Variants in TNKS observed in about 807,000 individuals in gnomAD.
TNKS encodes the protein tankyrase, also known as poly [ADP-ribose] polymerase tankyrase-1.
TNKS carries 72 observed loss-of-function variants against 135.8 expected under a neutral mutation model. The observed-to-expected ratio is 0.53, with a 90% confidence interval of 0.44 to 0.64. The LOEUF is 0.64. TNKS is among the 30% of genes least tolerant of loss of function. TNKS has a pLI of 0.00. For synonymous variants in TNKS, 849 were observed against 649.3 expected, an observed-to-expected ratio of 1.31 and a Z score of -4.68; for missense variants, 1,769 against 1,674.0, an observed-to-expected ratio of 1.06 and a Z score of -0.99.
chr8:9,754,958 A>C (rs539689917), intron 20 of TNKS, among the ~76,000 whole-genome samples: 6 of 152,254 alleles, frequency 3.9e-5, no homozygotes, highest in African/African-American at 1.2e-4. Flanking sequence ...AAACCATTAT[A>C]CTCTGCTGTT....
At chr8:9,744,064 T>A (rs1298176835) in intron 17 of TNKS, among the ~76,000 whole-genome samples, 1 of 152,204 alleles carries the variant, frequency 6.6e-6, no homozygotes, top group Non-Finnish European at 1.5e-5. Flanking sequence ...TTGAGCCTTT[T>A]TTGTATAAAA....
chr8:9,746,245 G>T (rs1445118802), intron 17 of TNKS, among the ~76,000 whole-genome samples: 1 of 152,136 alleles, frequency 6.6e-6, no homozygotes, highest in Non-Finnish European at 1.5e-5. Flanking sequence ...GTGCTAACCA[G>T]CCTAACATCC....
At position 9,564,759 on chromosome 8, in the gene TNKS, T is replaced by C. The variant is rs570063196; in HGVS notation, c.673+8147T>C. 3.9e-5 allele frequency among the ~76,000 whole-genome samples: 6 copies of C among 152,324 alleles called. No homozygotes were observed. In the South Asian group the frequency reaches 1.2e-3, roughly 32 times the overall value. On this transcript the variant is annotated intron_variant, in intron 1 of 26. Transcript: ENST00000310430. ...GGCACCTAATACCATGCATCATTAA[T>C]AGATACTTATAGTAAGAATTGAATA...
intron 2 of TNKS, among the ~76,000 whole-genome samples, chr8:9,600,402 C>G (rs1430018077): frequency 3.9e-5 from 6 of 152,100 alleles, no homozygotes; most frequent in Admixed American, 1.3e-4. Context: ...CAGCCTCGAC[C>G]TCCTTGACTC....
rs140779769 is a variant in TNKS at position 9,652,081 on chromosome 8, A to G, written c.995-27870A>G. The stretch of plus-strand genomic sequence containing the variant: ...GTATTAAATATAGAAACAAATCTTT[A>G]CTTTCATCATAGCTTTTTATAATTA... On this transcript the variant is annotated intron_variant, in intron 3 of 26. Coordinates refer to ENST00000310430, the MANE Select transcript of TNKS (RefSeq NM_003747.3). Among the ~76,000 whole-genome samples the G allele has an allele frequency of 6.6e-3, 1,002 of 152,304 alleles. 36 individuals carry two copies. The highest frequency in any genetic ancestry group is 2.6e-3 in the Non-Finnish European group (175 of 68,014).
chr8:9,676,686 CTG>C (rs147459978), intron 3 of TNKS, among the ~76,000 whole-genome samples: 111 of 147,878 alleles, frequency 7.5e-4, no homozygotes, highest in Non-Finnish European at 1.1e-3. Context: ...CTCTCTCTCT[CTG>C]TGTGTGTGTG....
chr8:9,609,853 C>G (rs1799379425), intron 2 of TNKS, among the ~76,000 whole-genome samples: 1 of 152,026 alleles, frequency 6.6e-6, no homozygotes, highest in African/African-American at 2.4e-5. Context: ...CTTGAATTTT[C>G]TTTTTTTCTT....
intron 25 of TNKS, among the ~76,000 whole-genome samples, chr8:9,769,062 TAGAGA>T (rs1807638726): frequency 6.6e-6 from 1 of 152,258 alleles, no homozygotes; most frequent in African/African-American, 2.4e-5. Flanking sequence ...TTGCTTATAT[TAGAGA>T]TTAGCAGACA....
At chr8:9,772,809 T>TTTGTGTG (rs1554490631) in intron 26 of TNKS, among the ~76,000 whole-genome samples, 1 of 86,588 alleles carries the variant, frequency 1.2e-5, no homozygotes, top group East Asian at 3.3e-4. Context: ...GTGTGTGTGT[T>TTTGTGTG]TGTGTGTGTG....
intron 3 of TNKS, among the ~76,000 whole-genome samples, chr8:9,668,053 C>G (rs140122501): frequency 9.7e-4 from 147 of 152,278 alleles, no homozygotes; most frequent in Middle Eastern, 6.8e-3. Context: ...GCAACTTGTT[C>G]ATTTAGTAGA....
intron 1 of TNKS, among the ~76,000 whole-genome samples, chr8:9,565,754 G>C (rs1363880194): frequency 1.3e-5 from 2 of 152,098 alleles, no homozygotes; most frequent in Admixed American, 1.3e-4. Context: ...CTACTCGGGA[G>C]GCTGAGGCAG....
intron 26 of TNKS, among the ~76,000 whole-genome samples, chr8:9,774,665 C>T (rs1808122525): frequency 6.6e-6 from 1 of 152,088 alleles, no homozygotes; most frequent in Non-Finnish European, 1.5e-5. Context: ...CACACAGAAA[C>T]AATTCAGTAG....
chr8:9,733,401 C>T lies in TNKS; in HGVS notation c.2270C>T (p.Ala757Val). The T allele has an allele frequency of 6.2e-7, 1 of 1,613,608 alleles. No individual in the cohort carries two copies. The highest frequency in any genetic ancestry group is 8.5e-7 in the Non-Finnish European group (1 of 1,179,764). Residue 757 changes from alanine (A) to valine (V), a missense_variant, in exon 15 of 27, where the codon GCA becomes GTA. Coordinates refer to ENST00000310430, the MANE Select transcript of TNKS (RefSeq NM_003747.3). ...TGGAAATTTACCCCTCTCCATGAAGCAGCAGCTAAAGGAAAGTATGAAATC... is the reference window on the plus strand; with the variant it reads ...TGGAAATTTACCCCTCTCCATGAAGTAGCAGCTAAAGGAAAGTATGAAATC... ...DLWKFTPLHE[A>V]AAKGKYEICK...
At chr8:9,772,696 C>CGTAAGGCAATATGTCTATGCTTAGAAAA (rs1807983084) in intron 26 of TNKS, among the ~76,000 whole-genome samples, 1 of 151,658 alleles carries the variant, frequency 6.6e-6, no homozygotes, top group South Asian at 2.1e-4. Context: ...TCTGTACTTA[C>CGTAAGGCAATATGTCTATGCTTAGAAAA]GTAAGGCAAT....
intron 3 of TNKS, among the ~76,000 whole-genome samples, chr8:9,656,179 G>A (rs1180130726): frequency 6.6e-6 from 1 of 152,174 alleles, no homozygotes; most frequent in Admixed American, 6.5e-5. Context: ...GAAGCGAGAA[G>A]AGAAGTTTAG....
chr8:9,682,641 G>A (rs2128798164), intron 5 of TNKS, among the ~76,000 whole-genome samples: 1 of 151,990 alleles, frequency 6.6e-6, no homozygotes, highest in African/African-American at 2.4e-5. Flanking sequence ...TTTGCACCAG[G>A]ACCAAGGCTG....
intron 3 of TNKS, 30 bp from the exon 4 acceptor site, chr8:9,679,921 C>G (rs1202267618): frequency 1.3e-6 from 2 of 1,596,346 alleles, no homozygotes; most frequent in Admixed American, 3.3e-5. Flanking sequence ...CTGCCAAATG[C>G]TAACAGCATG....
At chr8:9,752,673 A>T (rs375999335) in intron 20 of TNKS, 47 bp downstream of exon 20, 1 of 1,288,004 alleles carries the variant, frequency 7.8e-7, no homozygotes, top group African/African-American at 1.5e-5. Context: ...AAATACTAAG[A>T]TTAGGCTGGA....
chr8:9,659,017 T>C (rs1445932564), intron 3 of TNKS, among the ~76,000 whole-genome samples: 1 of 152,206 alleles, frequency 6.6e-6, no homozygotes, highest in East Asian at 1.9e-4. Context: ...AAGGGATCAA[T>C]TCCACAAGAA....
Sources: gnomAD v4.1 joint callset for allele counts (sites outside exome capture counted in the v4.1 genomes callset) on GRCh38, gnomAD v4.1.1 for gene constraint, MANE v1.5 for transcripts, NCBI Gene and HGNC (gene_info 2026-07-23, HGNC 2026-07-21) for gene names.